LRRC4C: variants seen among roughly 807,000 people sequenced by gnomAD.
LRRC4C encodes leucine-rich repeat-containing protein 4C.
LRRC4C carries 5 observed loss-of-function variants against 33.6 expected under a neutral mutation model. The observed-to-expected ratio is 0.15, with a 90% CI of 0.08 to 0.31. LRRC4C has a LOEUF of 0.31. Ranked by LOEUF, LRRC4C falls within the 10% of genes least tolerant of loss-of-function variation. LRRC4C has a pLI of 1.00. For synonymous variants in LRRC4C, 329 were observed against 302.0 expected (o/e 1.09, Z -0.93); for missense variants, 560 against 796.7 (o/e 0.70, Z 3.58).
intron 1 of LRRC4C, among the ~76,000 whole-genome samples, chr11:41,440,288 G>A (rs1434168407): frequency 1.3e-5 from 2 of 152,072 alleles, no homozygotes; most frequent in Non-Finnish European, 2.9e-5. Flanking sequence ...CCACTCTAGA[G>A]AGAATAGGTT....
At chr11:41,335,571 A>T (rs1951427342) in intron 1 of LRRC4C, among the ~76,000 whole-genome samples, 1 of 152,146 alleles carries the variant, frequency 6.6e-6, no homozygotes, top group South Asian at 2.1e-4. Flanking sequence ...TAAGGGCAGA[A>T]ATTCTATATT....
At chr11:40,617,868 G>T (rs1361195013) in intron 3 of LRRC4C, among the ~76,000 whole-genome samples, 2 of 151,586 alleles carry the variant, frequency 1.3e-5, no homozygotes, top group Non-Finnish European at 3.0e-5. Context: ...TGACCTACCT[G>T]GTTGACTAAG....
At chr11:41,070,215 A>G (rs1045050958) in intron 1 of LRRC4C, among the ~76,000 whole-genome samples, 1 of 152,192 alleles carries the variant, frequency 6.6e-6, no homozygotes, top group Non-Finnish European at 1.5e-5. Context: ...GGCTAGCCAT[A>G]TGCAGAAAAC....
chr11:41,439,169 G>T (rs1333872478), intron 1 of LRRC4C, among the ~76,000 whole-genome samples: 1 of 151,982 alleles, frequency 6.6e-6, no homozygotes, highest in African/African-American at 2.4e-5. Flanking sequence ...GTAGGATAAT[G>T]GTCTCCAACT....
At chr11:40,620,905 A>G (rs887928509) in intron 3 of LRRC4C, among the ~76,000 whole-genome samples, 9 of 151,770 alleles carry the variant, frequency 5.9e-5, no homozygotes, top group Non-Finnish European at 1.5e-5. Context: ...CTCAATTCAC[A>G]GCTGTCTTTC....
chr11:40,646,386 T>G (rs1285744337), intron 3 of LRRC4C, among the ~76,000 whole-genome samples: 1 of 152,330 alleles, frequency 6.6e-6, no homozygotes, highest in Non-Finnish European at 1.5e-5. Context: ...TAGAACTGCC[T>G]TTTTTATTCT....
intron 1 of LRRC4C, among the ~76,000 whole-genome samples, chr11:41,334,790 G>T (rs907591469): frequency 6.6e-6 from 1 of 152,082 alleles, no homozygotes; most frequent in Non-Finnish European, 1.5e-5. Flanking sequence ...GTTTGAAGGT[G>T]CAGTGAGCTA....
At chr11:40,548,751 C>T (rs1183183285) in intron 3 of LRRC4C, among the ~76,000 whole-genome samples, 2 of 152,210 alleles carry the variant, frequency 1.3e-5, no homozygotes, top group South Asian at 2.1e-4. Context: ...TCATGGTTAA[C>T]AAAATATTCA....
intron 1 of LRRC4C, among the ~76,000 whole-genome samples, chr11:41,442,536 CT>C (rs1376386599): frequency 7.8e-6 from 1 of 127,536 alleles, no homozygotes; most frequent in Non-Finnish European, 1.6e-5. Flanking sequence ...GTGGCACAAT[CT>C]CGGCTCACTG....
chr11:40,386,501 T>C (rs1949117231), intron 3 of LRRC4C, among the ~76,000 whole-genome samples: 1 of 152,162 alleles, frequency 6.6e-6, no homozygotes. Flanking sequence ...TATATAACAA[T>C]TAAGTAGGTT....
intron 1 of LRRC4C, among the ~76,000 whole-genome samples, chr11:41,277,470 C>T (rs1015677799): frequency 1.3e-5 from 2 of 152,156 alleles, no homozygotes; most frequent in African/African-American, 4.8e-5. Context: ...TATTTCCATA[C>T]TGATTGTCAG....
Position 41,240,677 on chromosome 11 carries a change from T to C in LRRC4C, c.-496+218754A>G, listed in dbSNP as rs142397446. On this transcript the variant is annotated intron_variant, in intron 1 of 6. Transcript: ENST00000528697. ...ATTCTGGTAGGGGTCATGAAGGACCTACATGGGGATGACTTTCTTGCTGAT... is the reference window on the plus strand; with the variant it reads ...ATTCTGGTAGGGGTCATGAAGGACCCACATGGGGATGACTTTCTTGCTGAT... 1.7e-3 allele frequency among the ~76,000 whole-genome samples: 255 copies of C among 152,282 alleles called. 1 individual carries two copies. Among genetic ancestry groups the C allele is most frequent in the Non-Finnish European group, 8.4e-4 (57 of 68,002 alleles).
chr11:41,176,987 CAAAACAAAACAA>C (rs1945230917), intron 1 of LRRC4C, among the ~76,000 whole-genome samples: 1 of 20,284 alleles, frequency 4.9e-5, no homozygotes, highest in Non-Finnish European at 2.7e-4. Context: ...CAAAACAAAA[CAAAACAAAACAA>C]AACAAAACAA....
intron 2 of LRRC4C, among the ~76,000 whole-genome samples, chr11:40,712,150 C>A: frequency 6.6e-6 from 1 of 152,038 alleles, no homozygotes; most frequent in East Asian, 1.9e-4. Context: ...AGTTTTCTTG[C>A]AATATCATTG....
chr11:40,922,666 CTCT>C (rs1957232260), intron 2 of LRRC4C, among the ~76,000 whole-genome samples: 1 of 152,154 alleles, frequency 6.6e-6, no homozygotes. Flanking sequence ...TAACTTTATA[CTCT>C]TCTTTGGCAA....
At chr11:41,005,094 C>T (rs1854647063) in intron 1 of LRRC4C, among the ~76,000 whole-genome samples, 1 of 152,160 alleles carries the variant, frequency 6.6e-6, no homozygotes, top group Admixed American at 6.5e-5. Flanking sequence ...GCACCTCCCT[C>T]CCCCTGATGT....
chr11:40,650,757 T>C (rs1051349201), intron 2 of LRRC4C, among the ~76,000 whole-genome samples: 5 of 152,204 alleles, frequency 3.3e-5, no homozygotes, highest in African/African-American at 1.2e-4. Context: ...ACTTATTTAA[T>C]TTAACACTCT....
chr11:40,776,286 G>A (rs557947639), intron 2 of LRRC4C, among the ~76,000 whole-genome samples: 5 of 139,200 alleles, frequency 3.6e-5, no homozygotes, highest in Non-Finnish European at 1.6e-5. Flanking sequence ...TTTTTTTTTT[G>A]AATATTTTCA....
intron 3 of LRRC4C, among the ~76,000 whole-genome samples, chr11:40,338,743 T>C (rs954527277): frequency 2.0e-5 from 3 of 152,114 alleles, no homozygotes; most frequent in African/African-American, 7.2e-5. Flanking sequence ...TACTCCAACG[T>C]TTCTGAATAA....
Sources: allele counts gnomAD v4.1 joint callset (sites outside exome capture counted in the v4.1 genomes callset), GRCh38; gene constraint gnomAD v4.1.1; transcripts MANE v1.5; gene names NCBI Gene and HGNC (gene_info 2026-07-23, HGNC 2026-07-21).